Variants in PIK3C2G observed in about 807,000 individuals in gnomAD.
PIK3C2G encodes the protein phosphatidylinositol 3-kinase C2 domain-containing subunit gamma.
A neutral mutation model predicts 181.1 loss-of-function variants in PIK3C2G; 168 were observed. That is an observed-to-expected ratio of 0.93 (90% CI 0.82 to 1.05). PIK3C2G has a LOEUF of 1.05. Among genes scored for constraint, PIK3C2G ranks in the 50% least tolerant of loss-of-function variants. The pLI, the probability that PIK3C2G is intolerant of heterozygous loss-of-function variation, is 0.00. For missense variants in PIK3C2G, 1,869 were observed against 1,732.8 expected (o/e 1.08, Z -1.40); for synonymous variants, 573 against 592.2 (o/e 0.97, Z 0.47).
intron 18 of PIK3C2G, among the ~76,000 whole-genome samples, chr12:18,480,629 A>C (rs1346698464): frequency 6.6e-6 from 1 of 152,180 alleles, no homozygotes; most frequent in African/African-American, 2.4e-5. Flanking sequence ...TGCCAAGTCA[A>C]GTTTGCCATT....
intron 29 of PIK3C2G, among the ~76,000 whole-genome samples, chr12:18,587,267 A>G (rs1015540730): frequency 2.0e-5 from 3 of 152,046 alleles, no homozygotes; most frequent in African/African-American, 7.2e-5. Flanking sequence ...AAGTCAAGCT[A>G]TCTCTGTTTG....
intron 18 of PIK3C2G, among the ~76,000 whole-genome samples, chr12:18,447,193 T>C (rs1947076423): frequency 6.6e-6 from 1 of 152,200 alleles, no homozygotes; most frequent in Admixed American, 6.5e-5. Flanking sequence ...CACGTGATAT[T>C]ATGAACCACG....
chr12:18,598,155 G>A (rs2136517363), intron 30 of PIK3C2G, among the ~76,000 whole-genome samples: 1 of 152,060 alleles, frequency 6.6e-6, no homozygotes, highest in East Asian at 1.9e-4. Context: ...CTACTTTAAA[G>A]TTCATATGGA....
At chr12:18,402,426 G>T (rs1944297157) in intron 16 of PIK3C2G, among the ~76,000 whole-genome samples, 1 of 152,074 alleles carries the variant, frequency 6.6e-6, no homozygotes, top group Non-Finnish European at 1.5e-5. Context: ...TCCTTTTGTG[G>T]TTATAATTGA....
chr12:18,395,760 G>T (rs1437444159), intron 15 of PIK3C2G, among the ~76,000 whole-genome samples: 1 of 151,320 alleles, frequency 6.6e-6, no homozygotes, highest in East Asian at 1.9e-4. Context: ...ACTGTTCCAA[G>T]TTTTTCATAT....
intron 16 of PIK3C2G, among the ~76,000 whole-genome samples, chr12:18,413,518 A>T (rs58864032): frequency 0.025 from 3,864 of 152,156 alleles, 142 homozygotes; most frequent in African/African-American, 0.083. Context: ...ATTGACCTTT[A>T]TCTTTTTTAT....
intron 30 of PIK3C2G, among the ~76,000 whole-genome samples, chr12:18,602,991 A>G (rs1947817630): frequency 6.6e-6 from 1 of 152,180 alleles, no homozygotes; most frequent in Non-Finnish European, 1.5e-5. Flanking sequence ...AAATCACACT[A>G]GTTCACCAGC....
chr12:18,624,668 T>C (rs534816225), intron 31 of PIK3C2G, among the ~76,000 whole-genome samples: 1 of 151,770 alleles, frequency 6.6e-6, no homozygotes, highest in East Asian at 1.9e-4. Flanking sequence ...CATCAGGTCC[T>C]GGGCTTTTTT....
At chr12:18,677,568 G>A in the PIK3C2G span, among the ~76,000 whole-genome samples, 3 of 152,098 alleles carry the variant, frequency 2.0e-5, no homozygotes, top group African/African-American at 4.8e-5. Context: ...ACTGGCTGAG[G>A]ACCTAATGCA....
the PIK3C2G span, chr12:18,685,792 T>C: frequency 2.8e-6 from 1 of 351,690 alleles, no homozygotes; most frequent in East Asian, 7.4e-5. Context: ...CACATGTGCC[T>C]CTGCCTCCCT....
At chr12:18,647,310 G>A (rs1950187908) in intron 32 of PIK3C2G, among the ~76,000 whole-genome samples, 2 of 151,874 alleles carry the variant, frequency 1.3e-5, no homozygotes. Flanking sequence ...GAAGAAACAA[G>A]AAGGAGACCA....
the PIK3C2G span, among the ~76,000 whole-genome samples, chr12:18,701,186 T>C: frequency 6.6e-6 from 1 of 152,062 alleles, no homozygotes; most frequent in Non-Finnish European, 1.5e-5. Flanking sequence ...GGTTTCACCA[T>C]GTTGACCAGG....
intron 25 of PIK3C2G, among the ~76,000 whole-genome samples, chr12:18,541,902 C>T (rs1944172991): frequency 6.6e-6 from 1 of 151,838 alleles, no homozygotes; most frequent in African/African-American, 2.4e-5. Context: ...GAACAGAACA[C>T]ATTAATAAGG....
chr12:18,495,096 TC>T lies in PIK3C2G; in HGVS notation c.2794-965del, dbSNP rs1311246703. On this transcript the variant is annotated intron_variant, in intron 20 of 32. Transcript: ENST00000538779. ...TCAGTTAAGAAATAGATATTTTCTC[TC>T]AACTTCTAATTTCAGACTTCTTGTA... Among the ~76,000 whole-genome samples, 4 of 152,228 alleles carry T rather than the reference TC, an allele frequency of 2.6e-5. No individual in the cohort carries two copies. The East Asian group carries it at 7.8e-4, about 30-fold the overall frequency.
the PIK3C2G span, among the ~76,000 whole-genome samples, chr12:18,659,876 T>A: frequency 1.3e-5 from 2 of 152,150 alleles, no homozygotes; most frequent in Non-Finnish European, 2.9e-5. Flanking sequence ...CTAGTTGACT[T>A]ACTCTATAAG....
chr12:18,407,982 G>A (rs1944634938), intron 16 of PIK3C2G, among the ~76,000 whole-genome samples: 1 of 152,196 alleles, frequency 6.6e-6, no homozygotes, highest in East Asian at 1.9e-4. Flanking sequence ...GGGCAAATTG[G>A]CCTTTATGCT....
intron 17 of PIK3C2G, among the ~76,000 whole-genome samples, chr12:18,422,319 T>TAA (rs200238265): frequency 4.3e-5 from 6 of 138,936 alleles, no homozygotes; most frequent in African/African-American, 1.3e-4. Context: ...CTAGAAAAAT[T>TAA]TAAAAAAAAA....
chr12:18,358,067 A>G (rs1940909571), intron 11 of PIK3C2G, among the ~76,000 whole-genome samples: 1 of 152,246 alleles, frequency 6.6e-6, no homozygotes, highest in South Asian at 2.1e-4. Flanking sequence ...ATGGGAGTTC[A>G]GATAGCTCTT....
intron 15 of PIK3C2G, 105 bp from the exon 16 acceptor site, chr12:18,399,549 CTAAAA>C (rs1944121664): frequency 3.8e-6 from 2 of 529,432 alleles, no homozygotes; most frequent in Admixed American, 3.5e-5. Flanking sequence ...TGAAAGTAAA[CTAAAA>C]TAAAATTCAA....
Sources: allele counts gnomAD v4.1 joint callset (sites outside exome capture counted in the v4.1 genomes callset), GRCh38; gene constraint gnomAD v4.1.1; transcripts MANE v1.5; gene names NCBI Gene and HGNC (gene_info 2026-07-23, HGNC 2026-07-21).